Variants in DTX1 observed in about 807,000 individuals in gnomAD.
DTX1 encodes deltex E3 ubiquitin ligase 1, also known as E3 ubiquitin-protein ligase DTX1.
Under a neutral mutation model 57.8 loss-of-function variants are expected in DTX1, and 26 were observed. The ratio of observed to expected loss-of-function variants is 0.45; its 90% CI spans 0.33 to 0.62. The LOEUF (loss-of-function observed/expected upper bound fraction) is 0.62. Among genes scored for constraint, DTX1 ranks in the 20% least tolerant of loss-of-function variants. The probability of loss-of-function intolerance (pLI) is 0.02; values close to 1 mark genes in which losing one functional copy is unlikely to be tolerated. For missense variants in DTX1, 704 were observed against 895.3 expected, an observed-to-expected ratio of 0.79 and a Z score of 2.73; for synonymous variants, 398 against 394.1, an observed-to-expected ratio of 1.01 and a Z score of -0.12.
intron 6 of DTX1, among the ~76,000 whole-genome samples, chr12:113,094,503 A>G (rs527905525): frequency 1.1e-3 from 169 of 152,306 alleles, no homozygotes; most frequent in Non-Finnish European, 1.8e-3. Context: ...TCTTGAGCCC[A>G]GGAGTTTGAC....
intron 2 of DTX1, among the ~76,000 whole-genome samples, chr12:113,059,039 C>T (rs1190109918): frequency 2.6e-5 from 4 of 151,618 alleles, no homozygotes; most frequent in Non-Finnish European, 5.9e-5. Context: ...TGGAGTCGTG[C>T]TGGTGGTAAT....
chr12:113,095,288 T>C lies in DTX1; in HGVS notation c.1549-37T>C, dbSNP rs200095694. On this transcript the variant is annotated intron_variant, in intron 8 of 9. Transcript: ENST00000548759. ...TGCTTCTCCACCCTGCCACCACCTG[T>C]TCATGGTCTAAATCCCTGTACTGTC... The C allele has an allele frequency of 5.5e-5, 88 of 1,613,418 alleles. 1 individual carries two copies. The East Asian group carries it at 1.6e-3, about 30-fold the overall frequency.
At chr12:113,086,645 C>T (rs1420591543) in intron 3 of DTX1, among the ~76,000 whole-genome samples, 1 of 152,102 alleles carries the variant, frequency 6.6e-6, no homozygotes, top group African/African-American at 2.4e-5. Context: ...GGTTTTCCTT[C>T]CTTTTTTTTC....
chr12:113,058,097 C>T lies in DTX1; in HGVS notation c.-96C>T. On this transcript the variant is annotated 5_prime_UTR_variant, in exon 2 of 10. Coordinates refer to ENST00000548759, the MANE Select transcript of DTX1 (RefSeq NM_004416.3). The stretch of plus-strand genomic sequence containing the variant: ...AAGGAGGCCAGACGGTCCTTGCTGT[C>T]CCCCTGGGGAGAGAGGAAGTTGCCG... 2 of 1,452,200 alleles carry T rather than the reference C, an allele frequency of 1.4e-6. No homozygotes were observed. Among genetic ancestry groups the T allele is most frequent in the South Asian group, 1.4e-5 (1 of 69,224 alleles). 90.0% of individuals were successfully genotyped at this position (1,452,200 alleles called of 1,614,324 possible).
In DTX1 at chr12:113,094,911, G is replaced by C. The variant is rs1300826287; in HGVS notation, c.1350G>C (p.Leu450=). The part of the protein sequence containing the change: ...RLGRCGHMYH[L]LCLVAMYSNG... ...GCCGCTGTGGCCACATGTACCACCTGCTGTGCCTCGTGGCCATGTACTCCA... is the reference window on the plus strand; with the variant it reads ...GCCGCTGTGGCCACATGTACCACCTCCTGTGCCTCGTGGCCATGTACTCCA... The change falls in exon 7 of 10, where the codon CTG becomes CTC. Residue 450 remains leucine, a synonymous_variant. Transcript: ENST00000548759. 6.2e-7 allele frequency: 1 copy of C among 1,613,682 alleles called. No individual in the cohort carries two copies. Among genetic ancestry groups the C allele is most frequent in the East Asian group, 2.2e-5 (1 of 44,878 alleles).
At chr12:113,061,756 C>T (rs1566012739) in intron 2 of DTX1, among the ~76,000 whole-genome samples, 1 of 151,878 alleles carries the variant, frequency 6.6e-6, no homozygotes, top group Non-Finnish European at 1.5e-5. Context: ...GGCTAGAGTA[C>T]AGTGGTGTGA....
intron 2 of DTX1, among the ~76,000 whole-genome samples, chr12:113,070,241 T>C (rs1440423444): frequency 6.6e-6 from 1 of 152,188 alleles, no homozygotes; most frequent in Non-Finnish European, 1.5e-5. Context: ...TGGATGGCTG[T>C]TAGTATTATG....
chr12:113,085,792 T>A (rs975565628), intron 3 of DTX1, among the ~76,000 whole-genome samples: 1 of 152,224 alleles, frequency 6.6e-6, no homozygotes, highest in Admixed American at 6.5e-5. Flanking sequence ...CTTGCTCTCT[T>A]GGAGCTCACA....
intron 2 of DTX1, among the ~76,000 whole-genome samples, chr12:113,062,815 C>T (rs918083807): frequency 2.0e-5 from 3 of 152,222 alleles, no homozygotes; most frequent in Admixed American, 6.5e-5. Context: ...ACAGGGGCTG[C>T]GGTTTGTTCA....
chr12:113,064,782 A>G (rs1027928076), intron 2 of DTX1, among the ~76,000 whole-genome samples: 1 of 152,272 alleles, frequency 6.6e-6, no homozygotes, highest in African/African-American at 2.4e-5. Flanking sequence ...GCACGTAGTA[A>G]GCACTCATGC....
intron 3 of DTX1, among the ~76,000 whole-genome samples, chr12:113,085,053 CTT>C (rs139788602): frequency 9.7e-4 from 139 of 142,670 alleles, no homozygotes; most frequent in Non-Finnish European, 1.0e-3. Context: ...GGCCCGTACC[CTT>C]TTTTTTTTTT....
At position 113,095,208 on chromosome 12, in the gene DTX1, G is replaced by C. The variant is rs1298622079; in HGVS notation, c.1548+5G>C. On this transcript the variant is annotated splice_donor_5th_base_variant and intron_variant, in intron 8 of 9. Transcript: ENST00000548759. ...GACATCCCCACAGGCATCCAGGTGG[G>C]CTCCCCTTCCGCCTCTCTGGCCCCC... is the stretch of plus-strand genomic sequence containing the variant. 3 of 1,603,688 alleles carry C rather than the reference G, an allele frequency of 1.9e-6. No individual in the cohort carries two copies. The South Asian group carries it at 3.3e-5, about 18-fold the overall frequency.
chr12:113,093,151 TCTC>T lies in DTX1; in HGVS notation c.942-9_942-7del. 1.3e-6 allele frequency: 2 copies of T among 1,588,486 alleles called. No individual in the cohort carries two copies. Among genetic ancestry groups the T allele is most frequent in the Non-Finnish European group, 1.7e-6 (2 of 1,167,634 alleles). The stretch of plus-strand genomic sequence containing the variant: ...GGAGTCCAGCTGCGGCCTCTTCTCT[TCTC>T]CCCGCAGGGTCCCCGCACTCCCGGT... On this transcript the variant is annotated splice_region_variant and splice_polypyrimidine_tract_variant and intron_variant, in intron 3 of 9. Transcript: ENST00000548759. This position sits in a 1 kb window ranked among gnomAD's most constrained non-coding sequence, Gnocchi z 4.2.
At chr12:113,075,963 G>T in intron 2 of DTX1, among the ~76,000 whole-genome samples, 1 of 152,052 alleles carries the variant, frequency 6.6e-6, no homozygotes, top group South Asian at 2.1e-4. Context: ...ATTCTAGCGA[G>T]GGGGGGACAG....
chr12:113,057,658 C>G lies in DTX1; in HGVS notation c.-535C>G, dbSNP rs2044636222. ...GCAGGGACGCCCCCTTCGGCAGGAG[C>G]CGTCGGAGAAGGGGGCCCAGACCGG... On this transcript the variant is annotated 5_prime_UTR_variant, in exon 2 of 10. Coordinates refer to ENST00000548759, the MANE Select transcript of DTX1 (RefSeq NM_004416.3). 1.9e-5 allele frequency: 3 copies of G among 155,630 alleles called. No individual in the cohort carries two copies. The highest frequency in any genetic ancestry group is 1.9e-4 in the East Asian group (1 of 5,214). The allele number at this position is 155,630 out of a possible 1,614,324, so 9.6% of individuals were successfully genotyped here. A position where few individuals can be genotyped will look rare whatever the true frequency, so the allele number is the denominator to read the frequency against.
chr12:113,097,046 C>G lies in DTX1; in HGVS notation c.*107C>G. 1.6e-6 allele frequency: 2 copies of G among 1,254,818 alleles called. No homozygotes were observed. The highest frequency in any genetic ancestry group is 3.1e-5 in the South Asian group (2 of 65,566). 77.7% of individuals were successfully genotyped at this position (1,254,818 alleles called of 1,614,324 possible). On this transcript the variant is annotated 3_prime_UTR_variant, in exon 10 of 10. Coordinates refer to ENST00000548759, the MANE Select transcript of DTX1 (RefSeq NM_004416.3). The stretch of plus-strand genomic sequence containing the variant: ...AGGTTCAGGGCTGGGGAGGAGCCTG[C>G]GGAAGGGGCCGCAGCCATTCAGGGG...
chr12:113,089,204 A>C lies in DTX1; in HGVS notation c.942-3958A>C, dbSNP rs931865734. Among the ~76,000 whole-genome samples, 4 of 152,240 alleles carry C rather than the reference A, an allele frequency of 2.6e-5. No homozygotes were observed. In the South Asian group the frequency reaches 6.2e-4, roughly 24 times the overall value. ...ATGCTTGAGAAAGAGCAGAGAGACC[A>C]GGGTGGCTGGAGTGGAGTGGGAGAG... On this transcript the variant is annotated intron_variant, in intron 3 of 9. Coordinates refer to ENST00000548759, the MANE Select transcript of DTX1 (RefSeq NM_004416.3).
intron 2 of DTX1, among the ~76,000 whole-genome samples, chr12:113,063,358 G>A (rs1440273980): frequency 2.6e-5 from 4 of 152,208 alleles, no homozygotes; most frequent in African/African-American, 9.7e-5. Context: ...TGGGACAGCC[G>A]CCTCCGAGGG....
chr12:113,090,617 G>A (rs546913681), intron 3 of DTX1, among the ~76,000 whole-genome samples: 20 of 152,250 alleles, frequency 1.3e-4, no homozygotes, highest in South Asian at 1.2e-3. Context: ...TGCCTCCCTC[G>A]GGAGCTGTGT....
Sources: gnomAD v4.1 joint callset for allele counts (sites outside exome capture counted in the v4.1 genomes callset) on GRCh38, gnomAD v4.1.1 for gene constraint, Gnocchi (gnomAD v3.1) non-coding constraint, MANE v1.5 for transcripts, NCBI Gene and HGNC (gene_info 2026-07-23, HGNC 2026-07-21) for gene names.